Variants in SLC45A2 observed in about 807,000 individuals in gnomAD.
SLC45A2 encodes the protein membrane-associated transporter protein.
Under a neutral mutation model 45.5 loss-of-function variants are expected in SLC45A2, and 36 were observed. The ratio of observed to expected loss-of-function variants is 0.79; its 90% CI spans 0.61 to 1.04. SLC45A2 has a LOEUF of 1.04. SLC45A2 is among the 50% of genes least tolerant of loss of function. The probability of loss-of-function intolerance (pLI) is 0.00; values close to 1 mark genes in which losing one functional copy is unlikely to be tolerated. For synonymous variants in SLC45A2, 306 were observed against 269.3 expected (o/e 1.14, Z -1.33); for missense variants, 719 against 671.0 (o/e 1.07, Z -0.79).
At chr5:33,982,192 TTGTC>T (rs1753097171) in intron 2 of SLC45A2, 40 bp downstream of exon 2, 3 of 1,608,778 alleles carry the variant, frequency 1.9e-6, no homozygotes, top group Admixed American at 1.7e-5. Context: ...AAGTGCCTCA[TTGTC>T]TGGGGAGCTG....
At chr5:33,979,186 T>C (rs1043674151) in intron 2 of SLC45A2, among the ~76,000 whole-genome samples, 2 of 151,664 alleles carry the variant, frequency 1.3e-5, no homozygotes, top group South Asian at 4.2e-4. Flanking sequence ...TAGGGAGACA[T>C]CAGACATCAA....
chr5:33,979,541 T>C (rs944788915), intron 2 of SLC45A2, among the ~76,000 whole-genome samples: 2 of 152,134 alleles, frequency 1.3e-5, no homozygotes, highest in African/African-American at 4.8e-5. Context: ...GAAGGTAGAT[T>C]TTCCCCATAA....
At chr5:33,971,933 C>G (rs1752789172) in intron 2 of SLC45A2, 2 of 386,762 alleles carry the variant, frequency 5.2e-6, no homozygotes, top group Admixed American at 3.0e-5. Flanking sequence ...AGTTACCCAG[C>G]TAATTTTTGT....
At chr5:33,953,212 T>A (rs1174931965) in intron 4 of SLC45A2, among the ~76,000 whole-genome samples, 1 of 146,740 alleles carries the variant, frequency 6.8e-6, no homozygotes, top group Non-Finnish European at 1.5e-5. Flanking sequence ...ATATACCCAG[T>A]AATGGGATGG....
chr5:33,975,535 T>C (rs1391718561), intron 2 of SLC45A2, among the ~76,000 whole-genome samples: 4 of 152,242 alleles, frequency 2.6e-5, no homozygotes, highest in Non-Finnish European at 5.9e-5. Flanking sequence ...TATTTACTCA[T>C]ATATGGGACT....
chr5:33,957,658 T>G (rs1372021701), intron 3 of SLC45A2, among the ~76,000 whole-genome samples: 1 of 152,182 alleles, frequency 6.6e-6, no homozygotes, highest in Admixed American at 6.5e-5. Context: ...AAGAAGCAGC[T>G]AACAATAGCC....
rs1191089815 is a variant in SLC45A2, at chr5:33,958,923, G to C, written c.889-4419C>G. On this transcript the variant is annotated intron_variant, in intron 3 of 6. Transcript: ENST00000296589. ...GGGGGAGTCCCAGTCTATCGAAGGG[G>C]ACATCAAAGAGGTAGATAATCTATC... is the stretch of plus-strand genomic sequence containing the variant. Among the ~76,000 whole-genome samples the C allele has an allele frequency of 3.9e-5, 6 of 152,146 alleles. No homozygotes were observed. The South Asian group carries it at 1.2e-3, about 32-fold the overall frequency.
chr5:33,969,099 T>C (rs978389264), intron 2 of SLC45A2, among the ~76,000 whole-genome samples: 1 of 58,942 alleles, frequency 1.7e-5, no homozygotes, highest in African/African-American at 5.0e-5. Context: ...GTGTGTGTGG[T>C]GTCCTTGACC....
chr5:33,957,525 T>C (rs751148981), intron 3 of SLC45A2, among the ~76,000 whole-genome samples: 2 of 152,224 alleles, frequency 1.3e-5, no homozygotes, highest in African/African-American at 2.4e-5. Context: ...TTAAACACTA[T>C]AGACATCTCC....
intron 3 of SLC45A2, among the ~76,000 whole-genome samples, chr5:33,956,351 A>G (rs1281212480): frequency 1.3e-5 from 2 of 152,204 alleles, no homozygotes; most frequent in African/African-American, 4.8e-5. Flanking sequence ...CCTTACCAGT[A>G]TGATCCTGAA....
intron 2 of SLC45A2, among the ~76,000 whole-genome samples, chr5:33,981,728 C>T (rs1161519186): frequency 1.3e-5 from 2 of 152,182 alleles, no homozygotes; most frequent in Non-Finnish European, 2.9e-5. Flanking sequence ...ATTTCTAAGA[C>T]GTTGAGTTTT....
chr5:33,974,801 G>A (rs541270650), intron 2 of SLC45A2, among the ~76,000 whole-genome samples: 2 of 152,314 alleles, frequency 1.3e-5, no homozygotes, highest in African/African-American at 4.8e-5. Flanking sequence ...GGGAGAAAGA[G>A]AGAGATTGCA....
intron 2 of SLC45A2, among the ~76,000 whole-genome samples, chr5:33,969,889 A>G (rs1752730207): frequency 6.6e-6 from 1 of 152,174 alleles, no homozygotes; most frequent in Non-Finnish European, 1.5e-5. Flanking sequence ...GCTGTGCAGG[A>G]GGTCAGGCAT....
In SLC45A2 at chr5:33,984,366, A is replaced by G. The variant is rs760254579; in HGVS notation, c.218T>C (p.Val73Ala). Residue 73 changes from valine (V) to alanine (A), a missense_variant, in exon 1 of 7, where the codon GTG becomes GCG. Physicochemically the swap from Val to Ala is moderately conservative, Grantham distance 64. Transcript: ENST00000296589. ...VGLPSSLYSI[V>A]WFLSPILGFL... is the part of the protein sequence containing the mutation. ...TCCCAGGATGGGGCTGAGGAACCAC[A>G]CAATGCTGTACAGGCTGCTGGGCAG... 2 of 1,613,968 alleles carry G rather than the reference A, an allele frequency of 1.2e-6. No homozygotes were observed. The highest frequency in any genetic ancestry group is 1.1e-5 in the South Asian group (1 of 91,064).
intron 5 of SLC45A2, chr5:33,951,281 G>A (rs1752087423): frequency 1.2e-6 from 1 of 820,618 alleles, no homozygotes; most frequent in African/African-American, 1.7e-5. Flanking sequence ...ACTTCATCTT[G>A]TAAAGATTCC....
At position 33,983,232 on chromosome 5, in the gene SLC45A2, G is replaced by A. The variant is rs116331340; in HGVS notation, c.386-820C>T. ...AGCTGGATTTTCATTCTACGGATAC[G>A]CTGTAATCGTTTACCCAATCTCCTA... On this transcript the variant is annotated intron_variant, in intron 1 of 6. Coordinates refer to ENST00000296589, the MANE Select transcript of SLC45A2 (RefSeq NM_016180.5). Among the ~76,000 whole-genome samples the A allele has an allele frequency of 8.0e-3, 1,218 of 152,268 alleles. 19 individuals are homozygous for A. The highest frequency in any genetic ancestry group is 0.028 in the African/African-American group (1,173 of 41,546).
intron 5 of SLC45A2, among the ~76,000 whole-genome samples, chr5:33,949,989 A>G (rs1752048868): frequency 6.6e-6 from 1 of 152,014 alleles, no homozygotes; most frequent in Non-Finnish European, 1.5e-5. Flanking sequence ...GGAGATCGAG[A>G]CCAGCCTGGG....
chr5:33,979,895 T>C (rs749153337), intron 2 of SLC45A2, among the ~76,000 whole-genome samples: 32 of 152,098 alleles, frequency 2.1e-4, no homozygotes, highest in Non-Finnish European at 4.3e-4. Context: ...CTATCATGTA[T>C]TGGCCTTGGA....
chr5:33,956,037 A>T (rs374246682), intron 3 of SLC45A2, among the ~76,000 whole-genome samples: 1 of 28,262 alleles, frequency 3.5e-5, no homozygotes, highest in Non-Finnish European at 6.6e-3. Flanking sequence ...TGAAGTCCTC[A>T]GGGGCAGACC....
Sources: allele counts gnomAD v4.1 joint callset (sites outside exome capture counted in the v4.1 genomes callset), GRCh38; gene constraint gnomAD v4.1.1; transcripts MANE v1.5; gene names NCBI Gene and HGNC (gene_info 2026-07-23, HGNC 2026-07-21).